FSTL5: variants seen among roughly 807,000 people sequenced by gnomAD.
The protein encoded by FSTL5 is follistatin like 5.
A neutral mutation model predicts 89.1 loss-of-function variants in FSTL5; 62 were observed. The observed-to-expected ratio is 0.70, with a 90% CI of 0.57 to 0.86. The LOEUF (loss-of-function observed/expected upper bound fraction) is 0.86, where lower values mean the gene tolerates loss of function less well. Ranked by LOEUF, FSTL5 falls within the 40% of genes least tolerant of loss-of-function variation. The pLI is 0.00. For missense variants in FSTL5, 1,057 were observed against 1,001.6 expected (o/e 1.06, Z -0.75); for synonymous variants, 383 against 346.2 (o/e 1.11, Z -1.18).
rs1560799998 is a variant in FSTL5, at chr4:161,705,823, G to A, written c.728-49329C>T. The stretch of plus-strand genomic sequence containing the variant: ...TAATGATGATTTTATTGTAATATAG[G>A]TAAACTTGGGAGGATCACTTGAGCC... On this transcript the variant is annotated intron_variant, in intron 6 of 15. Transcript: ENST00000306100. 7.4e-5 allele frequency among the ~76,000 whole-genome samples: 11 copies of A among 149,412 alleles called. No individual in the cohort carries two copies. In the South Asian group the frequency reaches 2.1e-3, roughly 29 times the overall value.
intron 6 of FSTL5, among the ~76,000 whole-genome samples, chr4:161,718,239 A>G (rs1011533095): frequency 7.9e-5 from 12 of 152,232 alleles, no homozygotes; most frequent in African/African-American, 2.9e-4. Flanking sequence ...ATTATCAGTA[A>G]TGTTTGAAGT....
chr4:161,910,466 T>G (rs1221360249), intron 4 of FSTL5, among the ~76,000 whole-genome samples: 1 of 152,174 alleles, frequency 6.6e-6, no homozygotes, highest in African/African-American at 2.4e-5. Context: ...AAGCCAATCT[T>G]AAATCACTAT....
Position 162,106,941 on chromosome 4 carries a change from AAG to A in FSTL5, c.126+4328_126+4329del, listed in dbSNP as rs1274449906. Among the ~76,000 whole-genome samples, 5 of 152,164 alleles carry A rather than the reference AAG, an allele frequency of 3.3e-5. No individual in the cohort carries two copies. In the East Asian group the frequency reaches 7.7e-4, roughly 23 times the overall value. On this transcript the variant is annotated intron_variant, in intron 2 of 15. Coordinates refer to ENST00000306100, the MANE Select transcript of FSTL5 (RefSeq NM_020116.5). The stretch of plus-strand genomic sequence containing the variant: ...ACGCTGTTTGCAATGCTTCAGAAAA[AAG>A]AGAGTTCTGGAAGATTTTACAATTG...
Position 161,384,196 on chromosome 4 carries a change from C to A in FSTL5, c.*1551G>T, listed in dbSNP as rs1324020721. 6.6e-6 allele frequency: 1 copy of A among 152,102 alleles called. No individual in the cohort carries two copies. The highest frequency in any genetic ancestry group is 1.5e-5 in the Non-Finnish European group (1 of 67,984). The allele number at this position is 152,102 out of a possible 1,614,324, so 9.4% of individuals were successfully genotyped here. On this transcript the variant is annotated 3_prime_UTR_variant, in exon 16 of 16. Transcript: ENST00000306100. Reference sequence around the variant, plus strand: ...TGCTATATACACATAAGATATTACACACTATAAAATTTCAGGTTTCTAAGC... The same window carrying A: ...TGCTATATACACATAAGATATTACAAACTATAAAATTTCAGGTTTCTAAGC...
At chr4:161,922,588 A>G (rs1734022228) in intron 3 of FSTL5, among the ~76,000 whole-genome samples, 1 of 151,948 alleles carries the variant, frequency 6.6e-6, no homozygotes, top group Non-Finnish European at 1.5e-5. Flanking sequence ...CAAGACTTAT[A>G]TTTCTAACAA....
chr4:161,678,909 G>A (rs779243047), intron 6 of FSTL5, among the ~76,000 whole-genome samples: 7 of 151,672 alleles, frequency 4.6e-5, no homozygotes, highest in Admixed American at 1.3e-4. Flanking sequence ...TATATACGTA[G>A]GGTCCATTTT....
intron 7 of FSTL5, among the ~76,000 whole-genome samples, chr4:161,600,183 AC>A (rs879573009): frequency 1.4e-4 from 21 of 151,654 alleles, no homozygotes; most frequent in Non-Finnish European, 2.8e-4. Context: ...ACACACACAC[AC>A]ACACACACAC....
intron 4 of FSTL5, among the ~76,000 whole-genome samples, chr4:161,830,841 TA>T (rs914848797): frequency 1.3e-5 from 2 of 151,676 alleles, no homozygotes; most frequent in African/African-American, 4.8e-5. Flanking sequence ...CATAGTATGC[TA>T]AAAAAAATTG....
intron 3 of FSTL5, among the ~76,000 whole-genome samples, chr4:161,974,321 T>A (rs1358128044): frequency 2.6e-5 from 4 of 152,060 alleles, no homozygotes; most frequent in Non-Finnish European, 5.9e-5. Flanking sequence ...AGAACAAAGC[T>A]GGAGGCATCA....
chr4:161,524,063 A>G (rs1463370160), intron 10 of FSTL5, among the ~76,000 whole-genome samples: 1 of 152,096 alleles, frequency 6.6e-6, no homozygotes, highest in Non-Finnish European at 1.5e-5. Flanking sequence ...CTCTGGCATT[A>G]ATGTCAACAC....
intron 4 of FSTL5, among the ~76,000 whole-genome samples, chr4:161,799,712 G>T (rs1414909367): frequency 6.6e-6 from 1 of 151,580 alleles, no homozygotes. Flanking sequence ...CATTTTATAA[G>T]ACAACGGCTA....
chr4:161,552,098 AC>A (rs1732237320), intron 8 of FSTL5, among the ~76,000 whole-genome samples: 1 of 151,850 alleles, frequency 6.6e-6, no homozygotes. Flanking sequence ...CTAATAAATA[AC>A]TTTTTAAAGT....
chr4:161,856,525 C>T (rs1004180745), intron 4 of FSTL5, among the ~76,000 whole-genome samples: 1 of 151,912 alleles, frequency 6.6e-6, no homozygotes, highest in Non-Finnish European at 1.5e-5. Flanking sequence ...TTGCTAGGTA[C>T]TCTTCTCAAC....
chr4:161,665,758 T>C (rs2126692361), intron 6 of FSTL5, among the ~76,000 whole-genome samples: 1 of 152,124 alleles, frequency 6.6e-6, no homozygotes, highest in Middle Eastern at 3.4e-3. Context: ...AGAATGAACA[T>C]GCATGCCTAG....
chr4:161,649,888 T>C (rs149917832), intron 7 of FSTL5, among the ~76,000 whole-genome samples: 2,345 of 152,282 alleles, frequency 0.015, 26 homozygotes, highest in South Asian at 0.032. Flanking sequence ...TACAGATTGA[T>C]GGAATATAGT....
chr4:161,650,985 C>T (rs371487424), intron 7 of FSTL5, among the ~76,000 whole-genome samples: 2 of 152,088 alleles, frequency 1.3e-5, no homozygotes, highest in African/African-American at 4.8e-5. Context: ...AAAACAGTTC[C>T]GCATTTCAAC....
intron 3 of FSTL5, among the ~76,000 whole-genome samples, chr4:162,002,813 A>G (rs953199785): frequency 2.6e-5 from 4 of 151,054 alleles, no homozygotes; most frequent in African/African-American, 9.8e-5. Context: ...TTCATGTATG[A>G]CTCTAATTTT....
intron 6 of FSTL5, among the ~76,000 whole-genome samples, chr4:161,693,230 G>A (rs370035821): frequency 1.8e-4 from 28 of 152,168 alleles, no homozygotes; most frequent in Admixed American, 3.3e-4. Context: ...ATTTCCGTGC[G>A]TACATTCATA....
intron 6 of FSTL5, among the ~76,000 whole-genome samples, chr4:161,742,160 C>T (rs898976362): frequency 2.6e-5 from 4 of 152,190 alleles, no homozygotes; most frequent in Admixed American, 1.3e-4. Flanking sequence ...AAATAAACTA[C>T]TAGTTATTTG....
Sources: gnomAD v4.1 joint callset for allele counts (sites outside exome capture counted in the v4.1 genomes callset) on GRCh38, gnomAD v4.1.1 for gene constraint, MANE v1.5 for transcripts, NCBI Gene and HGNC (gene_info 2026-07-23, HGNC 2026-07-21) for gene names.